The following TMEM62 variants were observed in gnomAD, a reference collection of about 807,000 sequenced individuals.
The protein encoded by TMEM62 is transmembrane protein 62.
Under a neutral mutation model 70.4 loss-of-function variants are expected in TMEM62, and 41 were observed. That is an observed-to-expected ratio of 0.58 (90% CI 0.45 to 0.76). The LOEUF is 0.76. TMEM62 is among the 30% of genes least tolerant of loss of function. The pLI is 0.00. For missense variants in TMEM62, 688 were observed against 788.5 expected, an observed-to-expected ratio of 0.87 and a Z score of 1.53; for synonymous variants, 268 against 291.0, an observed-to-expected ratio of 0.92 and a Z score of 0.80.
intron 4 of TMEM62, among the ~76,000 whole-genome samples, chr15:43,143,380 C>T (rs560528355): frequency 1.1e-3 from 169 of 152,214 alleles, no homozygotes; most frequent in Non-Finnish European, 1.8e-3. Flanking sequence ...AACTTTCATA[C>T]ACACTGGGAA....
At position 43,148,898 on chromosome 15, in the gene TMEM62, A is replaced by G. The variant is rs776029377; in HGVS notation, c.743+19A>G. 3.7e-6 allele frequency: 6 copies of G among 1,604,794 alleles called. No individual in the cohort carries two copies. In the Middle Eastern group the frequency reaches 5.0e-4, roughly 134 times the overall value. ...TAATGAGGTGAGACAAGCTTCCAAA[A>G]TCAGAATTAATTTGTTTTTAGTTTT... On this transcript the variant is annotated intron_variant, in intron 6 of 13. Transcript: ENST00000260403.
At chr15:43,180,989 C>A in intron 12 of TMEM62, 192 bp from the exon 13 acceptor site, 1 of 541,168 alleles carries the variant, frequency 1.8e-6, no homozygotes, top group Non-Finnish European at 3.3e-6. Flanking sequence ...TTTCACAATC[C>A]AAAAAATAGT....
chr15:43,133,852 C>T lies in TMEM62; in HGVS notation c.50C>T (p.Ala17Val), dbSNP rs2034751818. 2 of 1,474,170 alleles carry T rather than the reference C, an allele frequency of 1.4e-6. No individual in the cohort carries two copies. The highest frequency in any genetic ancestry group is 1.5e-5 in the African/African-American group (1 of 67,956). 91.3% of individuals were successfully genotyped at this position (1,474,170 alleles called of 1,614,324 possible). ...GTGGTCGCGGGGTTGGCGGCCGCAG[C>T]GCTGGTGGCCATGCTCTTGGAGCAC... ...LRVVAGLAAA[A>V]LVAMLLEHYG... The change falls in exon 1 of 14, where the codon GCG becomes GTG. Residue 17 changes from alanine (A) to valine (V), a missense_variant. Physicochemically the swap from Ala to Val is moderately conservative, Grantham distance 64. Coordinates refer to ENST00000260403, the MANE Select transcript of TMEM62 (RefSeq NM_024956.4).
intron 1 of TMEM62, 31 bp from the exon 2 acceptor site, chr15:43,134,226 G>A (rs2034849759): frequency 6.2e-7 from 1 of 1,605,492 alleles, no homozygotes; most frequent in Non-Finnish European, 8.5e-7. Flanking sequence ...TCCTGGCTCA[G>A]ATCTCTCTGT....
intron 8 of TMEM62, among the ~76,000 whole-genome samples, chr15:43,152,548 C>T (rs1365151648): frequency 2.0e-5 from 3 of 152,116 alleles, no homozygotes; most frequent in Non-Finnish European, 4.4e-5. Flanking sequence ...ATGTGTGCCA[C>T]CACGCCTGGC....
intron 1 of TMEM62, 91 bp from the exon 2 acceptor site, chr15:43,134,166 T>C: frequency 1.3e-6 from 2 of 1,497,014 alleles, no homozygotes; most frequent in Non-Finnish European, 1.8e-6. Context: ...TCTTTGCCTT[T>C]TCCTTCTGCC....
intron 10 of TMEM62, among the ~76,000 whole-genome samples, chr15:43,168,018 G>T (rs1315191138): frequency 6.6e-6 from 1 of 152,104 alleles, no homozygotes; most frequent in Non-Finnish European, 1.5e-5. Flanking sequence ...CAGGCACTCG[G>T]CAGGCTGAGG....
chr15:43,168,656 T>G (rs902134176), intron 10 of TMEM62, among the ~76,000 whole-genome samples: 90 of 152,164 alleles, frequency 5.9e-4, no homozygotes, highest in African/African-American at 2.1e-3. Context: ...AGTCTCTCTT[T>G]GAGCTGCACT....
At chr15:43,157,524 ATTG>A (rs1288897935) in intron 9 of TMEM62, among the ~76,000 whole-genome samples, 3 of 152,156 alleles carry the variant, frequency 2.0e-5, no homozygotes, top group Non-Finnish European at 4.4e-5. Flanking sequence ...GTAAGTTCTT[ATTG>A]TTATTTTTAA....
intron 3 of TMEM62, among the ~76,000 whole-genome samples, chr15:43,137,072 A>G (rs1432353080): frequency 6.6e-6 from 1 of 152,192 alleles, no homozygotes; most frequent in Non-Finnish European, 1.5e-5. Context: ...TAAATTGCAA[A>G]CAAATCTCCA....
intron 10 of TMEM62, among the ~76,000 whole-genome samples, chr15:43,167,368 G>A (rs936329666): frequency 6.6e-6 from 1 of 151,904 alleles, no homozygotes; most frequent in Admixed American, 6.5e-5. Flanking sequence ...CTTCTCAGAC[G>A]GGGCGGCTGC....
intron 13 of TMEM62, among the ~76,000 whole-genome samples, chr15:43,182,081 G>A (rs951779324): frequency 6.6e-6 from 1 of 152,270 alleles, no homozygotes; most frequent in Non-Finnish European, 1.5e-5. Flanking sequence ...CAATGTACTT[G>A]TTTAGGAAAC....
intron 4 of TMEM62, among the ~76,000 whole-genome samples, chr15:43,142,873 T>C (rs1453393778): frequency 6.6e-6 from 1 of 151,636 alleles, no homozygotes; most frequent in African/African-American, 2.4e-5. Context: ...TTTCTAAATG[T>C]TGCCCAGGCT....
At chr15:43,180,508 C>T (rs1008665312) in intron 12 of TMEM62, among the ~76,000 whole-genome samples, 9 of 152,068 alleles carry the variant, frequency 5.9e-5, no homozygotes, top group Non-Finnish European at 1.3e-4. Context: ...GACCAGCACA[C>T]TTACAAGACA....
chr15:43,182,954 C>G (rs529276956), intron 13 of TMEM62, among the ~76,000 whole-genome samples: 10 of 152,232 alleles, frequency 6.6e-5, no homozygotes, highest in Non-Finnish European at 1.5e-4. Flanking sequence ...TGATCTAGAC[C>G]TCTTCTCTGC....
rs190123183 is a variant in TMEM62, at chr15:43,182,680, C to T, written c.1605+1381C>T. ...TGTTGGCCAGGATGGTCTCGAACTCCTGACCTCAGGTGATCCGCCCGTCTC... is the reference window on the plus strand; with the variant it reads ...TGTTGGCCAGGATGGTCTCGAACTCTTGACCTCAGGTGATCCGCCCGTCTC... On this transcript the variant is annotated intron_variant, in intron 13 of 13. Transcript: ENST00000260403. Among the ~76,000 whole-genome samples the T allele has an allele frequency of 9.2e-5, 14 of 152,222 alleles. No individual in the cohort carries two copies. The East Asian group carries it at 2.5e-3, about 27-fold the overall frequency.
chr15:43,183,855 T>C (rs2041624990), intron 13 of TMEM62, among the ~76,000 whole-genome samples: 1 of 152,130 alleles, frequency 6.6e-6, no homozygotes, highest in African/African-American at 2.4e-5. Flanking sequence ...CCAGTACTTA[T>C]CATGCTACCT....
chr15:43,136,027 CT>C (rs1210747854), intron 3 of TMEM62, among the ~76,000 whole-genome samples: 3 of 152,172 alleles, frequency 2.0e-5, no homozygotes. Flanking sequence ...ATCCCTCCCC[CT>C]GCCCCCATCC....
At chr15:43,167,304 G>A (rs1416221240) in intron 10 of TMEM62, among the ~76,000 whole-genome samples, 5 of 149,418 alleles carry the variant, frequency 3.3e-5, no homozygotes, top group East Asian at 2.0e-4. Context: ...GCTGCCGGGC[G>A]GAGACGCTCC....
Sources: allele counts gnomAD v4.1 joint callset (sites outside exome capture counted in the v4.1 genomes callset), GRCh38; gene constraint gnomAD v4.1.1; transcripts MANE v1.5; gene names NCBI Gene and HGNC (gene_info 2026-07-23, HGNC 2026-07-21).